Variants in SNTB1 observed in about 807,000 individuals in gnomAD.
SNTB1 encodes the protein beta-1-syntrophin.
SNTB1 carries 36 observed loss-of-function variants against 48.9 expected under a neutral mutation model. The ratio of observed to expected loss-of-function variants is 0.74; its 90% confidence interval spans 0.56 to 0.97. The LOEUF (loss-of-function observed/expected upper bound fraction) is 0.97. SNTB1 is among the 50% of genes least tolerant of loss of function. The pLI is 0.00. For synonymous variants in SNTB1, 299 were observed against 294.6 expected (o/e 1.01, Z -0.15); for missense variants, 786 against 703.4 (o/e 1.12, Z -1.33).
chr8:120,540,911 A>G (rs532273051), intron 6 of SNTB1, among the ~76,000 whole-genome samples: 22 of 152,190 alleles, frequency 1.4e-4, no homozygotes, highest in Non-Finnish European at 2.2e-4. Flanking sequence ...AGGGTCTGTT[A>G]GGTGTGTTCT....
chr8:120,759,876 C>T (rs4871129), intron 1 of SNTB1, among the ~76,000 whole-genome samples: 28,509 of 125,578 alleles, frequency 0.23, 3,068 homozygotes, highest in Middle Eastern at 0.28. Flanking sequence ...TTGACAGGTG[C>T]CCATCATTTG....
At chr8:120,738,963 T>A (rs1344772529) in intron 1 of SNTB1, among the ~76,000 whole-genome samples, 1 of 152,190 alleles carries the variant, frequency 6.6e-6, no homozygotes, top group Non-Finnish European at 1.5e-5. Flanking sequence ...AGAAATAAAC[T>A]AAAACTGCAA....
At chr8:120,793,069 G>A (rs2130159148) in intron 1 of SNTB1, among the ~76,000 whole-genome samples, 2 of 152,060 alleles carry the variant, frequency 1.3e-5, no homozygotes, top group South Asian at 4.1e-4. Flanking sequence ...CTCAATGTGT[G>A]CAAACCTGAA....
intron 1 of SNTB1, among the ~76,000 whole-genome samples, chr8:120,737,067 T>G (rs887358339): frequency 3.9e-5 from 6 of 152,234 alleles, no homozygotes; most frequent in African/African-American, 1.4e-4. Flanking sequence ...AAGTGATAGA[T>G]CCATCTTCAA....
intron 2 of SNTB1, among the ~76,000 whole-genome samples, chr8:120,692,862 T>C (rs1386380105): frequency 6.6e-6 from 1 of 152,228 alleles, no homozygotes; most frequent in East Asian, 1.9e-4. Context: ...AAGGTTTTCC[T>C]GTACTGAGCA....
In SNTB1 at chr8:120,632,516, G is replaced by A. The variant is rs780706220; in HGVS notation, c.924C>T (p.Val308=). The change falls in exon 3 of 7, where the codon GTC becomes GTT. Residue 308 remains valine, a synonymous_variant. Transcript: ENST00000517992. ...TGCCTGTTTTCCCCAGCTGCTCTCT[G>A]ACCTCAGCAATCACTCGGGTCAGCA... The part of the protein sequence containing the change: ...NDLLTRVIAE[V]REQLGKTGIA... 1.2e-6 allele frequency: 2 copies of A among 1,614,142 alleles called. No individual in the cohort carries two copies. The highest frequency in any genetic ancestry group is 1.7e-6 in the Non-Finnish European group (2 of 1,180,028).
chr8:120,594,352 C>T (rs534042205), intron 3 of SNTB1, among the ~76,000 whole-genome samples: 5 of 152,284 alleles, frequency 3.3e-5, no homozygotes, highest in African/African-American at 1.2e-4. Flanking sequence ...ATTCTCTTAC[C>T]TCAGCCTCCC....
At chr8:120,656,941 A>C (rs895991654) in intron 2 of SNTB1, among the ~76,000 whole-genome samples, 15 of 152,202 alleles carry the variant, frequency 9.9e-5, no homozygotes, top group South Asian at 2.1e-4. Flanking sequence ...GGGAAGAGAG[A>C]AGTGTCAAGG....
At chr8:120,567,227 C>T (rs898171138) in intron 4 of SNTB1, among the ~76,000 whole-genome samples, 3 of 152,144 alleles carry the variant, frequency 2.0e-5, no homozygotes, top group South Asian at 4.1e-4. Context: ...AGCACATTCT[C>T]CTGATCCCCA....
chr8:120,766,093 TG>T (rs1819519729), intron 1 of SNTB1, among the ~76,000 whole-genome samples: 1 of 152,214 alleles, frequency 6.6e-6, no homozygotes, highest in South Asian at 2.1e-4. Context: ...GGCATTATAC[TG>T]GCACTAAAGA....
At chr8:120,635,969 C>A in intron 2 of SNTB1, 1 of 596,984 alleles carries the variant, frequency 1.7e-6, no homozygotes, top group Non-Finnish European at 2.7e-6. Context: ...TATGCCCTCT[C>A]CTTTACTTGC....
At chr8:120,637,736 A>G in intron 2 of SNTB1, 1 of 436,168 alleles carries the variant, frequency 2.3e-6, no homozygotes. Context: ...CTGCTTCAAC[A>G]GTTCACAGCA....
chr8:120,539,201 C>A (rs1222116564), intron 6 of SNTB1, among the ~76,000 whole-genome samples: 1 of 152,146 alleles, frequency 6.6e-6, no homozygotes, highest in Non-Finnish European at 1.5e-5. Flanking sequence ...TTTAGATATA[C>A]CAACACCATA....
At chr8:120,708,961 TG>T (rs1010036210) in intron 1 of SNTB1, among the ~76,000 whole-genome samples, 1 of 152,152 alleles carries the variant, frequency 6.6e-6, no homozygotes, top group African/African-American at 2.4e-5. Flanking sequence ...AATGTTGCAC[TG>T]GAAGTCCTAA....
chr8:120,705,850 A>T (rs574280199), intron 1 of SNTB1, among the ~76,000 whole-genome samples: 23 of 152,324 alleles, frequency 1.5e-4, no homozygotes, highest in Middle Eastern at 3.4e-3. Flanking sequence ...GGGTCTTAGA[A>T]TCCTCATCTG....
At chr8:120,626,238 A>G (rs1022325658) in intron 3 of SNTB1, among the ~76,000 whole-genome samples, 2 of 152,158 alleles carry the variant, frequency 1.3e-5, no homozygotes, top group Non-Finnish European at 2.9e-5. Flanking sequence ...GAGAGAGATC[A>G]ATATAGTCAC....
intron 3 of SNTB1, among the ~76,000 whole-genome samples, chr8:120,615,648 T>C (rs1816701386): frequency 6.6e-6 from 1 of 152,224 alleles, no homozygotes; most frequent in Non-Finnish European, 1.5e-5. Context: ...ATTCATTAGA[T>C]GGCCAAGTGA....
At chr8:120,639,761 A>G (rs1423252221) in intron 2 of SNTB1, among the ~76,000 whole-genome samples, 2 of 152,164 alleles carry the variant, frequency 1.3e-5, no homozygotes, top group African/African-American at 4.8e-5. Flanking sequence ...TACCAGTACC[A>G]TGCTGTTTTG....
At chr8:120,560,694 G>C (rs1815637993) in intron 4 of SNTB1, among the ~76,000 whole-genome samples, 1 of 152,144 alleles carries the variant, frequency 6.6e-6, no homozygotes, top group Non-Finnish European at 1.5e-5. Flanking sequence ...CTGGAGACAA[G>C]TGACTGTCCT....
Sources: gnomAD v4.1 joint callset for allele counts (sites outside exome capture counted in the v4.1 genomes callset) on GRCh38, gnomAD v4.1.1 for gene constraint, MANE v1.5 for transcripts, NCBI Gene and HGNC (gene_info 2026-07-23, HGNC 2026-07-21) for gene names.